Variants in TTC28 observed in about 807,000 individuals in gnomAD.
The protein encoded by TTC28 is tetratricopeptide repeat protein 28.
Under a neutral mutation model 198.0 loss-of-function variants are expected in TTC28, and 61 were observed. The ratio of observed to expected loss-of-function variants is 0.31; its 90% confidence interval spans 0.25 to 0.38. The LOEUF is 0.38. Among genes scored for constraint, TTC28 ranks in the 10% least tolerant of loss-of-function variants. The pLI, the probability that TTC28 is intolerant of heterozygous loss-of-function variation, is 1.00. For synonymous variants in TTC28, 1,171 were observed against 1,297.8 expected (o/e 0.90, Z 2.10); for missense variants, 2,678 against 3,164.0 (o/e 0.85, Z 3.69).
intron 2 of TTC28, among the ~76,000 whole-genome samples, chr22:28,452,180 G>A (rs933276560): frequency 3.3e-5 from 5 of 151,990 alleles, no homozygotes; most frequent in African/African-American, 1.2e-4. Context: ...ACAAGGTCAG[G>A]AGATCCAGAC....
Position 27,983,780 on chromosome 22 carries a change from A to G in TTC28, c.5887T>C (p.Ser1963Pro). The G allele has an allele frequency of 6.4e-7, 1 of 1,551,732 alleles. No homozygotes were observed. The highest frequency in any genetic ancestry group is 8.7e-7 in the Non-Finnish European group (1 of 1,147,012). ...SSLESLASAQ[S>P]VSNALPLGYQ... ...CCCAAGGGCAGGGCGTTGGAAACAG[A>G]CTGAGCAGAAGCAAGAGACTCGAGG... The change falls in exon 23 of 23, where the codon TCT (serine) becomes CCT (proline). Residue 1963 changes from serine to proline, a missense_variant. Physicochemically the swap from Ser to Pro is moderately conservative, Grantham distance 74. Transcript: ENST00000397906.
intron 2 of TTC28, among the ~76,000 whole-genome samples, chr22:28,492,308 G>T (rs1297864701): frequency 6.6e-6 from 1 of 151,962 alleles, no homozygotes; most frequent in Non-Finnish European, 1.5e-5. Context: ...ACAAAAAAAA[G>T]AGAAAGAAAA....
At chr22:28,102,803 A>G (rs1046704073) in intron 8 of TTC28, among the ~76,000 whole-genome samples, 1 of 152,230 alleles carries the variant, frequency 6.6e-6, no homozygotes, top group Non-Finnish European at 1.5e-5. Context: ...AAACTTAGAA[A>G]CATTTTAAGT....
At chr22:28,142,388 C>T (rs1943361118) in intron 6 of TTC28, among the ~76,000 whole-genome samples, 1 of 152,218 alleles carries the variant, frequency 6.6e-6, no homozygotes, top group African/African-American at 2.4e-5. Context: ...GAGCAGAATA[C>T]TGTCACACAG....
intron 2 of TTC28, among the ~76,000 whole-genome samples, chr22:28,532,567 A>C (rs548694826): frequency 6.6e-5 from 10 of 152,344 alleles, no homozygotes; most frequent in African/African-American, 2.4e-4. Flanking sequence ...TGAGGCCAGC[A>C]TCACCCTGAT....
chr22:28,348,757 G>C (rs985577143), intron 2 of TTC28, among the ~76,000 whole-genome samples: 3 of 152,196 alleles, frequency 2.0e-5, no homozygotes, highest in Admixed American at 6.5e-5. Context: ...AGTGAACACA[G>C]AGAAATGAAA....
intron 6 of TTC28, among the ~76,000 whole-genome samples, chr22:28,140,549 G>A (rs1413847794): frequency 1.3e-5 from 2 of 152,096 alleles, no homozygotes; most frequent in Non-Finnish European, 1.5e-5. Flanking sequence ...GTCCCATGTC[G>A]AGTTCTAAGA....
chr22:28,002,986 AAAC>A (rs1204843621), intron 14 of TTC28, among the ~76,000 whole-genome samples: 2 of 152,220 alleles, frequency 1.3e-5, no homozygotes, highest in South Asian at 2.1e-4. Flanking sequence ...TGTGTCTCAA[AAAC>A]AACAACAAAA....
chr22:28,533,491 A>G (rs916519290), intron 2 of TTC28, among the ~76,000 whole-genome samples: 5 of 152,194 alleles, frequency 3.3e-5, no homozygotes, highest in Admixed American at 2.0e-4. Flanking sequence ...GCTCAAGGTA[A>G]TTTATAGATT....
At chr22:28,673,203 T>C (rs2051918274) in intron 1 of TTC28, among the ~76,000 whole-genome samples, 1 of 152,104 alleles carries the variant, frequency 6.6e-6, no homozygotes, top group Non-Finnish European at 1.5e-5. Flanking sequence ...TGAAACCCCG[T>C]CTCTACTAAA....
rs1926566123 is a variant in TTC28, at chr22:28,207,842, A to C, written c.934-44243T>G. ...ACTTAAATGAATCACATAGACTGTAAATGTTAAGCTCTTCAGAAACGGTGA... is the reference window on the plus strand; with the variant it reads ...ACTTAAATGAATCACATAGACTGTACATGTTAAGCTCTTCAGAAACGGTGA... On this transcript the variant is annotated intron_variant, in intron 5 of 22. Coordinates refer to ENST00000397906, the MANE Select transcript of TTC28 (RefSeq NM_001145418.2). 2.0e-5 allele frequency among the ~76,000 whole-genome samples: 3 copies of C among 152,198 alleles called. No homozygotes were observed. In the South Asian group the frequency reaches 6.2e-4, roughly 32 times the overall value.
Position 28,585,612 on chromosome 22 carries a change from AC to A in TTC28, c.381+43939del, listed in dbSNP as rs2096326019. Among the ~76,000 whole-genome samples, 3 of 151,984 alleles carry A rather than the reference AC, an allele frequency of 2.0e-5. 1 individual carries two copies. The highest frequency in any genetic ancestry group is 4.2e-4 in the South Asian group (2 of 4,814). On this transcript the variant is annotated intron_variant, in intron 2 of 22. Coordinates refer to ENST00000397906, the MANE Select transcript of TTC28 (RefSeq NM_001145418.2). Reference sequence around the variant, plus strand: ...TCAGTCCGTGGCCCAGGGGTTGGGGACCCCTGCTTTACATGATCCTCAAAAC... The same window carrying A: ...TCAGTCCGTGGCCCAGGGGTTGGGGACCCTGCTTTACATGATCCTCAAAAC...
chr22:28,345,104 G>C (rs182074630), intron 2 of TTC28, among the ~76,000 whole-genome samples: 22 of 152,224 alleles, frequency 1.4e-4, no homozygotes, highest in African/African-American at 4.3e-4. Context: ...CCTGACTGAA[G>C]TTTTATTCAG....
chr22:28,542,162 T>A (rs922584753), intron 2 of TTC28, among the ~76,000 whole-genome samples: 29 of 151,904 alleles, frequency 1.9e-4, no homozygotes, highest in African/African-American at 3.6e-4. Context: ...CATAAAAAAA[T>A]TTTTTTAATA....
At chr22:28,161,789 G>A (rs1235359578) in intron 6 of TTC28, among the ~76,000 whole-genome samples, 2 of 144,912 alleles carry the variant, frequency 1.4e-5, no homozygotes, top group Non-Finnish European at 3.0e-5. Flanking sequence ...AGGAATGGAG[G>A]AAGGGAGGAA....
At chr22:28,007,196 T>C (rs2146565507) in intron 14 of TTC28, 1 of 152,306 alleles carries the variant, frequency 6.6e-6, no homozygotes, top group Admixed American at 6.5e-5. Context: ...TCCTGACTGA[T>C]ATTTTTGATG....
At chr22:28,049,003 A>AT (rs1220815310) in intron 12 of TTC28, among the ~76,000 whole-genome samples, 4 of 152,178 alleles carry the variant, frequency 2.6e-5, no homozygotes, top group African/African-American at 9.7e-5. Flanking sequence ...TACTAGGTGA[A>AT]TAACTCCTTA....
intron 2 of TTC28, among the ~76,000 whole-genome samples, chr22:28,614,048 T>C (rs530501932): frequency 6.6e-6 from 1 of 152,184 alleles, no homozygotes; most frequent in African/African-American, 2.4e-5. Context: ...GAAAACCCCA[T>C]CATCTTAGCC....
intron 2 of TTC28, among the ~76,000 whole-genome samples, chr22:28,560,356 T>G (rs2049848795): frequency 6.6e-6 from 1 of 152,210 alleles, no homozygotes; most frequent in Admixed American, 6.5e-5. Flanking sequence ...GCCACCAGAA[T>G]GACCTTTCCA....
Sources: gnomAD v4.1 joint callset for allele counts (sites outside exome capture counted in the v4.1 genomes callset) on GRCh38, gnomAD v4.1.1 for gene constraint, MANE v1.5 for transcripts, NCBI Gene and HGNC (gene_info 2026-07-23, HGNC 2026-07-21) for gene names.